CACNA1I: variants seen among roughly 807,000 people sequenced by gnomAD.
The protein encoded by CACNA1I is voltage-dependent T-type calcium channel subunit alpha-1I.
In CACNA1I, 74 loss-of-function variants were observed where a neutral mutation model predicts 201.6. The observed-to-expected ratio is 0.37, with a 90% confidence interval of 0.30 to 0.45. The LOEUF (loss-of-function observed/expected upper bound fraction) is 0.45, where lower values mean the gene tolerates loss of function less well. Among genes scored for constraint, CACNA1I ranks in the 20% least tolerant of loss-of-function variants. The pLI is 1.00. For missense variants in CACNA1I, 2,346 were observed against 3,138.1 expected (o/e 0.75, Z 6.03); for synonymous variants, 1,431 against 1,345.2 (o/e 1.06, Z -1.40).
At position 39,672,974 on chromosome 22, in the gene CACNA1I, G is replaced by T; in HGVS notation, c.4675G>T (p.Val1559Leu). The part of the protein sequence containing the change: ...DRWNQLDLAI[V>L]LLSVMGITLE... ...ATGGAACCAGCTGGACCTGGCCATT[G>T]TGCTACTGTCAGTCATGGGCATCAC... is the stretch of plus-strand genomic sequence containing the variant. Residue 1559 changes from valine to leucine, a missense_variant, in exon 28 of 37, where the codon GTG becomes TTG. Coordinates refer to ENST00000402142, the MANE Select transcript of CACNA1I (RefSeq NM_021096.4). The T allele has an allele frequency of 1.2e-6, 2 of 1,613,760 alleles. No individual in the cohort carries two copies. Among genetic ancestry groups the T allele is most frequent in the Non-Finnish European group, 1.7e-6 (2 of 1,179,758 alleles).
At chr22:39,639,871 T>C (rs992125225) in intron 5 of CACNA1I, among the ~76,000 whole-genome samples, 1 of 152,250 alleles carries the variant, frequency 6.6e-6, no homozygotes, top group African/African-American at 2.4e-5. Context: ...ATCATAGTTG[T>C]ACAGTATTTT....
In CACNA1I at chr22:39,647,877, C is replaced by T; in HGVS notation, c.1518C>T (p.Cys506=). Residue 506 remains cysteine (C), a synonymous_variant, in exon 9 of 37, where the codon TGC becomes TGT. Coordinates refer to ENST00000402142, the MANE Select transcript of CACNA1I (RefSeq NM_021096.4). The part of the protein sequence containing the change: ...DEGRHLGSRH[C]QTLHGPASPG... ...GGAGACATCTCGGAAGCCGGCATTGCCAGACTTTGCATGGGCCTGCCTCCC... is the reference window on the plus strand; with the variant it reads ...GGAGACATCTCGGAAGCCGGCATTGTCAGACTTTGCATGGGCCTGCCTCCC... 1 of 1,613,604 alleles carries T rather than the reference C, an allele frequency of 6.2e-7. No homozygotes were observed. Among genetic ancestry groups the T allele is most frequent in the Non-Finnish European group, 8.5e-7 (1 of 1,179,802 alleles).
intron 3 of CACNA1I, among the ~76,000 whole-genome samples, chr22:39,614,860 C>T (rs1037443450): frequency 1.2e-4 from 18 of 152,186 alleles, no homozygotes; most frequent in African/African-American, 4.3e-4. Context: ...CCTCCTGGGG[C>T]GACTTCAGGA....
chr22:39,675,109 C>A (rs1012722155), intron 29 of CACNA1I, among the ~76,000 whole-genome samples: 1 of 152,242 alleles, frequency 6.6e-6, no homozygotes, highest in African/African-American at 2.4e-5. Flanking sequence ...GGAGCCCCGG[C>A]TTGGGCCATA....
chr22:39,578,164 T>C (rs1421952917), intron 1 of CACNA1I, among the ~76,000 whole-genome samples: 2 of 151,770 alleles, frequency 1.3e-5, no homozygotes, highest in African/African-American at 2.4e-5. Flanking sequence ...GAGCTGTAAG[T>C]GTGTTGGGAG....
rs1172409550 is a variant in CACNA1I, at chr22:39,685,515, C to T, written c.6028-246C>T. On this transcript the variant is annotated intron_variant, in intron 36 of 36. Transcript: ENST00000402142. This position sits in a 1 kb window ranked among gnomAD's most constrained non-coding sequence, Gnocchi z 5.0. ...GGAGTGAGCCTGGAGCCTTCTGTGA[C>T]GGGCAGGGCCGGGTCTGACCTGGGT... Among the ~76,000 whole-genome samples the T allele has an allele frequency of 2.0e-5, 3 of 151,136 alleles. No individual in the cohort carries two copies. Among genetic ancestry groups the T allele is most frequent in the Non-Finnish European group, 3.0e-5 (2 of 67,754 alleles).
chr22:39,650,957 T>C (rs1432374663), intron 10 of CACNA1I, among the ~76,000 whole-genome samples: 3 of 152,026 alleles, frequency 2.0e-5, no homozygotes, highest in Admixed American at 6.5e-5. Flanking sequence ...TTAGCAAGGA[T>C]GCCTCAGTCC....
chr22:39,645,566 C>T (rs368723142), intron 7 of CACNA1I, among the ~76,000 whole-genome samples: 1 of 152,186 alleles, frequency 6.6e-6, no homozygotes, highest in Non-Finnish European at 1.5e-5. Flanking sequence ...TCTTCTTACC[C>T]GAGAGGCAGG....
At chr22:39,631,344 C>T (rs1429822734) in intron 4 of CACNA1I, among the ~76,000 whole-genome samples, 2 of 152,186 alleles carry the variant, frequency 1.3e-5, no homozygotes, top group Non-Finnish European at 2.9e-5. Context: ...AGCTGGGGAG[C>T]CAGGGCCCTC....
chr22:39,610,626 C>G (rs1202273752), intron 3 of CACNA1I, among the ~76,000 whole-genome samples: 1 of 152,198 alleles, frequency 6.6e-6, no homozygotes, highest in East Asian at 1.9e-4. Context: ...AACCCTGAAT[C>G]TGGTTTAAGG....
intron 3 of CACNA1I, among the ~76,000 whole-genome samples, chr22:39,614,016 T>G (rs947053781): frequency 1.3e-5 from 2 of 152,076 alleles, no homozygotes; most frequent in African/African-American, 4.8e-5. Flanking sequence ...TTTTTTTTAT[T>G]TTTGTATTTT....
At chr22:39,583,485 TTTCCATCTC>T (rs1365169055) in intron 1 of CACNA1I, among the ~76,000 whole-genome samples, 3 of 152,060 alleles carry the variant, frequency 2.0e-5, no homozygotes, top group Non-Finnish European at 2.9e-5. Flanking sequence ...TTTACCTATC[TTTCCATCTC>T]TTCATGCATT....
Position 39,619,356 on chromosome 22 carries a change from A to T in CACNA1I, c.529A>T (p.Ile177Phe). ...CCTTCAGAACATCAACCTGTCAGCC[A>T]TCCGCACCGTGCGCGTCCTGAGGCC... The part of the protein sequence containing the change: ...LDLQNINLSA[I>F]RTVRVLRPLK... The change falls in exon 4 of 37, where the codon ATC becomes TTC. Residue 177 changes from isoleucine to phenylalanine, a missense_variant. Ile to Phe is a conservative substitution (Grantham distance 21). Around this residue, in one of 13 missense-constraint regions of CACNA1I, gnomAD observed 227 missense variants for 412.5 expected, o/e 0.55. Transcript: ENST00000402142. The T allele has an allele frequency of 6.2e-7, 1 of 1,610,126 alleles. No homozygotes were observed. Among genetic ancestry groups the T allele is most frequent in the Non-Finnish European group, 8.5e-7 (1 of 1,179,812 alleles).
chr22:39,575,202 C>T (rs1217005713), intron 1 of CACNA1I, among the ~76,000 whole-genome samples: 1 of 152,218 alleles, frequency 6.6e-6, no homozygotes, highest in African/African-American at 2.4e-5. Flanking sequence ...GCGTGTGGCA[C>T]CGTGGAAAGC....
intron 5 of CACNA1I, among the ~76,000 whole-genome samples, chr22:39,639,507 A>C (rs1056662736): frequency 6.6e-6 from 1 of 152,182 alleles, no homozygotes; most frequent in Non-Finnish European, 1.5e-5. Flanking sequence ...CTGGAAGTTT[A>C]CTGTTTTTAG....
chr22:39,686,571 T>A lies in CACNA1I; in HGVS notation c.*166T>A. 1 of 343,996 alleles carries A rather than the reference T, an allele frequency of 2.9e-6. No individual in the cohort carries two copies. Among genetic ancestry groups the A allele is most frequent in the African/African-American group, 2.2e-5 (1 of 46,014 alleles). The allele number at this position is 343,996 out of a possible 1,614,324, so 21.3% of individuals were successfully genotyped here. A position where few individuals can be genotyped will look rare whatever the true frequency, so the allele number is the denominator to read the frequency against. ...GAGCGGAGTCTGGGTTAGCCAGGCC[T>A]GCGTGGCCCATGGTGGCCCTTCCAG... On this transcript the variant is annotated 3_prime_UTR_variant, in exon 37 of 37. Coordinates refer to ENST00000402142, the MANE Select transcript of CACNA1I (RefSeq NM_021096.4).
At chr22:39,671,008 A>T in intron 26 of CACNA1I, 54 bp downstream of exon 26, 3 of 1,550,348 alleles carry the variant, frequency 1.9e-6, no homozygotes, top group Non-Finnish European at 2.7e-6. Flanking sequence ...GTGGGGTCTC[A>T]GCAGGACCCC....
rs1935194700 is a variant in CACNA1I, at chr22:39,666,327, T to A, written c.4104+321T>A. Among the ~76,000 whole-genome samples, 1 of 151,742 alleles carries A rather than the reference T, an allele frequency of 6.6e-6. No homozygotes were observed. The highest frequency in any genetic ancestry group is 1.5e-5 in the Non-Finnish European group (1 of 67,934). On this transcript the variant is annotated intron_variant, in intron 23 of 36. Coordinates refer to ENST00000402142, the MANE Select transcript of CACNA1I (RefSeq NM_021096.4). This position sits in a 1 kb window ranked among gnomAD's most constrained non-coding sequence, Gnocchi z 4.1. ...AGAATCAAGCAGTCCTGGAGGTGAA[T>A]CCAGCTCTGCCACCTTCTGTAGGTG...
intron 3 of CACNA1I, among the ~76,000 whole-genome samples, chr22:39,602,264 A>G (rs1015729638): frequency 5.3e-5 from 8 of 150,804 alleles, no homozygotes; most frequent in Admixed American, 4.6e-4. Flanking sequence ...CTATAGAGAC[A>G]GGGTCTCACT....
Sources: gnomAD v4.1 joint callset for allele counts (sites outside exome capture counted in the v4.1 genomes callset) on GRCh38, gnomAD v4.1.1 for gene constraint, gnomAD v4.1.1 regional missense constraint, Gnocchi (gnomAD v3.1) non-coding constraint, MANE v1.5 for transcripts, NCBI Gene and HGNC (gene_info 2026-07-23, HGNC 2026-07-21) for gene names.